Variants in SRP19 observed in about 807,000 individuals in gnomAD.
SRP19 encodes the protein signal recognition particle 19 kDa protein.
SRP19 carries 11 observed loss-of-function variants against 22.4 expected under a neutral mutation model. That is an observed-to-expected ratio of 0.49 (90% confidence interval 0.31 to 0.81). The LOEUF (loss-of-function observed/expected upper bound fraction) is 0.81, where lower values mean the gene tolerates loss of function less well. Ranked by LOEUF, SRP19 falls within the 40% of genes least tolerant of loss-of-function variation. SRP19 has a pLI of 0.05. For synonymous variants in SRP19, 61 were observed against 57.6 expected, an observed-to-expected ratio of 1.06 and a Z score of -0.27; for missense variants, 168 against 175.9, an observed-to-expected ratio of 0.96 and a Z score of 0.25.
At position 112,864,687 on chromosome 5, in the gene SRP19, C is replaced by A; in HGVS notation, c.256C>A (p.Leu86Ile). 1 of 1,614,128 alleles carries A rather than the reference C, an allele frequency of 6.2e-7. No homozygotes were observed. The highest frequency in any genetic ancestry group is 1.7e-5 in the Admixed American group (1 of 60,016). Residue 86 changes from leucine to isoleucine, a missense_variant, in exon 4 of 5, where the codon CTC (leucine) becomes ATC (isoleucine). By Grantham distance (5) the Leu-to-Ile change is conservative. Coordinates refer to ENST00000505459, the MANE Select transcript of SRP19 (RefSeq NM_003135.3). ...ATACAGAGGCAGAGTCCGGGTCCAG[C>A]TCAAACAGGAAGATGGGAGCCTCTG... ...VQYRGRVRVQ[L>I]KQEDGSLCLV...
chr5:112,876,297 G>A (rs1208562794), intron 4 of SRP19: 1 of 152,140 alleles, frequency 6.6e-6, no homozygotes, highest in African/African-American at 2.4e-5. Context: ...CAGTGTTCAT[G>A]GCTCATTTAT....
exon 5 of SRP19, chr5:112,892,357 C>T (rs549770313): frequency 1.5e-5 from 24 of 1,613,986 alleles, no homozygotes; most frequent in South Asian, 2.2e-5. Flanking sequence ...AACCTACCAA[C>T]AGTTCCTAGA....
chr5:112,884,671 C>T (rs1369410038), intron 4 of SRP19, among the ~76,000 whole-genome samples: 1 of 152,038 alleles, frequency 6.6e-6, no homozygotes, highest in African/African-American at 2.4e-5. Flanking sequence ...CAGGCTGAGT[C>T]ACTGTTCCTG....
chr5:112,869,616 C>G lies in SRP19; in HGVS notation c.*2079C>G, dbSNP rs577083981. 7 of 152,374 alleles carry G rather than the reference C, an allele frequency of 4.6e-5. No individual in the cohort carries two copies. The highest frequency in any genetic ancestry group is 1.7e-4 in the African/African-American group (7 of 41,560). The allele number at this position is 152,374 out of a possible 1,614,324, so 9.4% of individuals were successfully genotyped here. A position where few individuals can be genotyped will look rare whatever the true frequency, so the allele number is the denominator to read the frequency against. ...GCTGCTACCCAACCCAAAATCTCAT[C>G]TTGAATTATAATCCCCAAATCCCTA... On this transcript the variant is annotated 3_prime_UTR_variant, in exon 5 of 5. Coordinates refer to ENST00000505459, the MANE Select transcript of SRP19 (RefSeq NM_003135.3).
intron 4 of SRP19, among the ~76,000 whole-genome samples, chr5:112,884,923 T>C (rs1768195540): frequency 6.6e-6 from 1 of 152,172 alleles, no homozygotes; most frequent in Admixed American, 6.5e-5. Flanking sequence ...GGTATGCTGG[T>C]TCACTGCCAG....
chr5:112,865,923 C>T (rs1160438437), intron 4 of SRP19, among the ~76,000 whole-genome samples: 1 of 152,124 alleles, frequency 6.6e-6, no homozygotes, highest in Non-Finnish European at 1.5e-5. Flanking sequence ...ACAAGGGTCT[C>T]ACTGTGTTGC....
chr5:112,877,406 G>A (rs905667811), intron 4 of SRP19: 1 of 152,144 alleles, frequency 6.6e-6, no homozygotes. Flanking sequence ...TAACAGTATG[G>A]TGTAAAACTC....
At chr5:112,892,589 G>T (rs201888227) in exon 5 of SRP19, 1 of 1,614,168 alleles carries the variant, frequency 6.2e-7, no homozygotes, top group Non-Finnish European at 8.5e-7. Flanking sequence ...ATGGCGATTT[G>T]TGGTTTATTT....
Position 112,867,759 on chromosome 5 carries a change from A to T in SRP19, c.*222A>T. The T allele has an allele frequency of 8.0e-7, 1 of 1,249,606 alleles. No homozygotes were observed. Among genetic ancestry groups the T allele is most frequent in the Middle Eastern group, 3.2e-4 (1 of 3,172 alleles). 77.4% of individuals were successfully genotyped at this position (1,249,606 alleles called of 1,614,324 possible). On this transcript the variant is annotated 3_prime_UTR_variant, in exon 5 of 5. Transcript: ENST00000505459. ...TATAAAAGAATTTTTTTGTCTTTCA[A>T]TGCAGTTTTTTGGAAGAAAATATTT...
downstream of SRP19, chr5:112,893,964 T>C (rs141256894): frequency 2.0e-5 from 3 of 152,226 alleles, no homozygotes; most frequent in South Asian, 2.1e-4. Context: ...CGCATTTGCA[T>C]TGACCCAAAA....
chr5:112,862,426 G>A lies in SRP19; in HGVS notation c.42-82G>A, dbSNP rs532403559. On this transcript the variant is annotated intron_variant, in intron 1 of 4. Coordinates refer to ENST00000505459, the MANE Select transcript of SRP19 (RefSeq NM_003135.3). ...TCTGATATCTAGGCAGCATGAATTG[G>A]CCTTTGGTTCCCTGCCACCCGACCC... 260 of 1,159,512 alleles carry A rather than the reference G, an allele frequency of 2.2e-4. 1 individual carries two copies. The African/African-American group carries it at 2.9e-3, about 13-fold the overall frequency. The allele number at this position is 1,159,512 out of a possible 1,614,324, so 71.8% of individuals were successfully genotyped here. A position where few individuals can be genotyped will look rare whatever the true frequency, so the allele number is the denominator to read the frequency against.
At chr5:112,897,950 T>C (rs993764931), downstream of SRP19, 3 of 152,206 alleles carry the variant, frequency 2.0e-5, no homozygotes, top group African/African-American at 7.3e-5. Flanking sequence ...TCCCAGCTAC[T>C]TGGGAGGCTG....
chr5:112,878,736 G>C (rs374228351), intron 4 of SRP19: 10 of 1,606,688 alleles, frequency 6.2e-6, no homozygotes, highest in Non-Finnish European at 8.5e-6. Flanking sequence ...ATAACATCAA[G>C]CTCCAGTAGG....
At chr5:112,885,742 G>T in intron 4 of SRP19, 1 of 282,998 alleles carries the variant, frequency 3.5e-6, no homozygotes. Context: ...AGCTATTAAT[G>T]AACTAATTAA....
At chr5:112,888,083 C>A (rs1400386004) in intron 4 of SRP19, among the ~76,000 whole-genome samples, 1 of 152,206 alleles carries the variant, frequency 6.6e-6, no homozygotes, top group African/African-American at 2.4e-5. Flanking sequence ...TACAAAAAAA[C>A]AGAAGTCACT....
intron 4 of SRP19, chr5:112,885,764 T>C: frequency 3.8e-6 from 1 of 265,916 alleles, no homozygotes; most frequent in Non-Finnish European, 7.9e-6. Flanking sequence ...TTTGACTACA[T>C]ATATGCCAAG....
chr5:112,878,919 G>A (rs1767980516), intron 4 of SRP19: 3 of 1,602,670 alleles, frequency 1.9e-6, no homozygotes, highest in Non-Finnish European at 2.6e-6. Flanking sequence ...GCCTAATGTA[G>A]CTACTAGATA....
exon 5 of SRP19, chr5:112,892,538 G>A (rs767175429): frequency 5.0e-6 from 8 of 1,614,206 alleles, no homozygotes; most frequent in Middle Eastern, 3.3e-4. Flanking sequence ...TATGCAGGAC[G>A]ACAGCTGCAA....
intron 4 of SRP19, among the ~76,000 whole-genome samples, chr5:112,890,750 T>C (rs1286240539): frequency 6.6e-6 from 1 of 150,798 alleles, no homozygotes; most frequent in East Asian, 2.0e-4. Flanking sequence ...TAATATAGTA[T>C]ATAGAGAGTA....
Sources: allele counts gnomAD v4.1 joint callset (sites outside exome capture counted in the v4.1 genomes callset), GRCh38; gene constraint gnomAD v4.1.1; transcripts MANE v1.5; gene names NCBI Gene and HGNC (gene_info 2026-07-23, HGNC 2026-07-21).